Variants in GRID1 observed in about 807,000 individuals in gnomAD.
GRID1 encodes the protein glutamate ionotropic receptor delta type subunit 1.
GRID1 carries 28 observed loss-of-function variants against 98.0 expected under a neutral mutation model. The observed-to-expected ratio is 0.29, with a 90% CI of 0.21 to 0.39. The LOEUF (loss-of-function observed/expected upper bound fraction) is 0.39. Ranked by LOEUF, GRID1 falls within the 10% of genes least tolerant of loss-of-function variation. The pLI, the probability that GRID1 is intolerant of heterozygous loss-of-function variation, is 1.00. For missense variants in GRID1, 1,111 were observed against 1,340.5 expected (o/e 0.83, Z 2.67); for synonymous variants, 553 against 538.5 (o/e 1.03, Z -0.37).
intron 10 of GRID1, 114 bp from the exon 11 acceptor site, chr10:85,724,790 T>G: frequency 2.7e-6 from 2 of 738,756 alleles, no homozygotes; most frequent in South Asian, 3.8e-5. Context: ...AGGAATGGAT[T>G]TGAGAGCTGG....
At chr10:86,208,029 A>C (rs1846058310) in intron 2 of GRID1, among the ~76,000 whole-genome samples, 1 of 152,218 alleles carries the variant, frequency 6.6e-6, no homozygotes, top group Non-Finnish European at 1.5e-5. Context: ...CTTTTGGTCA[A>C]GAGCCCTTGG....
chr10:86,223,479 G>A (rs745271), intron 2 of GRID1, among the ~76,000 whole-genome samples: 9,406 of 152,306 alleles, frequency 0.062, 385 homozygotes, highest in Middle Eastern at 0.16. Context: ...ATGCACACAT[G>A]GCTGCTCTGT....
chr10:86,152,533 G>A (rs562207730), intron 3 of GRID1, among the ~76,000 whole-genome samples: 2 of 152,266 alleles, frequency 1.3e-5, no homozygotes, highest in African/African-American at 2.4e-5. Context: ...AGCTCTCAGG[G>A]AGGCCACTTC....
chr10:86,186,646 C>G (rs902078694), intron 3 of GRID1, among the ~76,000 whole-genome samples: 2 of 152,166 alleles, frequency 1.3e-5, no homozygotes, highest in Non-Finnish European at 2.9e-5. Flanking sequence ...AAAATGGGGC[C>G]AAAAGTACCT....
chr10:85,699,545 T>C lies in GRID1; in HGVS notation c.1997+23458A>G, dbSNP rs1841429583. On this transcript the variant is annotated intron_variant, in intron 12 of 15. Transcript: ENST00000327946. ...TATTTTATGGATCATGCTTTCGATC[T>C]TGTATTAAAGAAGTCACCACCAAAC... 3.3e-5 allele frequency among the ~76,000 whole-genome samples: 5 copies of C among 152,340 alleles called. No individual in the cohort carries two copies. The South Asian group carries it at 1.0e-3, about 32-fold the overall frequency.
chr10:85,879,657 C>T (rs1405335746), intron 5 of GRID1, among the ~76,000 whole-genome samples: 1 of 151,874 alleles, frequency 6.6e-6, no homozygotes, highest in African/African-American at 2.4e-5. Flanking sequence ...TAAATGCCCA[C>T]AAGAGAAAGC....
At position 86,366,364 on chromosome 10, in the gene GRID1, G is replaced by T; in HGVS notation, c.29C>A (p.Pro10His). MEALTLWLL[P>H]WICQCVSVRA... ...CACCGACACGCACTGGCATATCCAGGGGAGAAGCCACAGCGTCAGCGCTTC... is the reference window on the plus strand; with the variant it reads ...CACCGACACGCACTGGCATATCCAGTGGAGAAGCCACAGCGTCAGCGCTTC... The change falls in exon 1 of 16, where the codon CCC (proline) becomes CAC (histidine). Residue 10 changes from proline to histidine, a missense_variant. Physicochemically the swap from Pro to His is moderately conservative, Grantham distance 77. Transcript: ENST00000327946. The surrounding 1 kb of genome is among the most constrained non-coding windows in gnomAD (Gnocchi z 4.1). 3 of 1,521,404 alleles carry T rather than the reference G, an allele frequency of 2.0e-6. No individual in the cohort carries two copies. Among genetic ancestry groups the T allele is most frequent in the East Asian group, 2.7e-5 (1 of 37,646 alleles). The allele number at this position is 1,521,404 out of a possible 1,614,324, so 94.2% of individuals were successfully genotyped here. A position where few individuals can be genotyped will look rare whatever the true frequency, so the allele number is the denominator to read the frequency against.
intron 3 of GRID1, among the ~76,000 whole-genome samples, chr10:86,196,453 G>T (rs2814353): frequency 0.28 from 42,672 of 151,790 alleles, 6,426 homozygotes; most frequent in East Asian, 0.48. Flanking sequence ...AACCCTCCAC[G>T]GTAGGCGTTT....
In GRID1 at chr10:85,616,766, G is replaced by A. The variant is rs956704268; in HGVS notation, c.2360+3101C>T. Among the ~76,000 whole-genome samples, 70 of 152,164 alleles carry A rather than the reference G, an allele frequency of 4.6e-4. 1 individual carries two copies. The highest frequency in any genetic ancestry group is 7.7e-4 in the East Asian group (4 of 5,190). On this transcript the variant is annotated intron_variant, in intron 14 of 15. Transcript: ENST00000327946. ...CATAATAATCCATACTCTCGCTTAC[G>A]AGGAAGCCAGAGGGATAATAGCCAC...
At chr10:85,782,525 A>G (rs1842390397) in intron 8 of GRID1, among the ~76,000 whole-genome samples, 1 of 152,242 alleles carries the variant, frequency 6.6e-6, no homozygotes, top group African/African-American at 2.4e-5. Flanking sequence ...TACAGGTGTT[A>G]TATGGGATGA....
chr10:85,819,892 C>T (rs1039406369), intron 8 of GRID1, among the ~76,000 whole-genome samples: 26 of 145,552 alleles, frequency 1.8e-4, no homozygotes, highest in Middle Eastern at 3.2e-3. Flanking sequence ...CTAGCCTGGG[C>T]GAAAAGAGCA....
chr10:85,752,928 C>T (rs1198140999), intron 8 of GRID1, among the ~76,000 whole-genome samples: 1 of 152,124 alleles, frequency 6.6e-6, no homozygotes, highest in African/African-American at 2.4e-5. Flanking sequence ...TAATACATTA[C>T]AGCTTATAGA....
intron 12 of GRID1, among the ~76,000 whole-genome samples, chr10:85,719,038 C>T (rs190636676): frequency 6.6e-6 from 1 of 152,224 alleles, no homozygotes; most frequent in African/African-American, 2.4e-5. Context: ...TAAATCATCT[C>T]TCTCAAGTTC....
chr10:85,705,636 C>G (rs933117226), intron 12 of GRID1, among the ~76,000 whole-genome samples: 1 of 152,142 alleles, frequency 6.6e-6, no homozygotes, highest in Non-Finnish European at 1.5e-5. Flanking sequence ...GATACCAAGC[C>G]TGGTAGAGAA....
intron 4 of GRID1, among the ~76,000 whole-genome samples, chr10:85,980,036 G>T (rs546516652): frequency 6.6e-6 from 1 of 152,348 alleles, no homozygotes; most frequent in South Asian, 2.1e-4. Flanking sequence ...CGGTTCATTA[G>T]TCTCAGGGGA....
chr10:85,986,318 A>G (rs1389082402), intron 4 of GRID1, among the ~76,000 whole-genome samples: 1 of 152,256 alleles, frequency 6.6e-6, no homozygotes, highest in Non-Finnish European at 1.5e-5. Flanking sequence ...CAAGCCCAGA[A>G]TGTTTCCAAA....
At chr10:85,887,414 G>A (rs916902285) in intron 5 of GRID1, among the ~76,000 whole-genome samples, 5 of 152,274 alleles carry the variant, frequency 3.3e-5, no homozygotes, top group South Asian at 2.1e-4. Context: ...GTTTGCACAG[G>A]CCACAGCAAC....
intron 4 of GRID1, among the ~76,000 whole-genome samples, chr10:86,133,433 A>G (rs183007253): frequency 6.6e-6 from 1 of 152,188 alleles, no homozygotes; most frequent in African/African-American, 2.4e-5. Flanking sequence ...CTCCACTGCC[A>G]TGTGCCACAG....
intron 13 of GRID1, among the ~76,000 whole-genome samples, chr10:85,629,250 T>C (rs1842946356): frequency 6.6e-6 from 1 of 152,202 alleles, no homozygotes; most frequent in Non-Finnish European, 1.5e-5. Flanking sequence ...TTTGTACGAA[T>C]TTAAAGGGTA....
Sources: allele counts gnomAD v4.1 joint callset (sites outside exome capture counted in the v4.1 genomes callset), GRCh38; gene constraint gnomAD v4.1.1; non-coding constraint Gnocchi (gnomAD v3.1); transcripts MANE v1.5; gene names NCBI Gene and HGNC (gene_info 2026-07-23, HGNC 2026-07-21).